Variants in GRID2 observed in about 807,000 individuals in gnomAD.
GRID2 encodes glutamate ionotropic receptor delta type subunit 2, also known as glutamate receptor ionotropic, delta-2.
Under a neutral mutation model 114.8 loss-of-function variants are expected in GRID2, and 33 were observed. That is an observed-to-expected ratio of 0.29 (90% CI 0.22 to 0.38). The LOEUF is 0.38. GRID2 is among the 10% of genes least tolerant of loss of function. The pLI, the probability that GRID2 is intolerant of heterozygous loss-of-function variation, is 1.00. For synonymous variants in GRID2, 505 were observed against 449.9 expected (o/e 1.12, Z -1.55); for missense variants, 1,184 against 1,257.7 (o/e 0.94, Z 0.89).
chr4:92,666,651 T>TTTTTTTTTTTTTTTG (rs1732796663), intron 2 of GRID2, among the ~76,000 whole-genome samples: 1 of 57,000 alleles, frequency 1.8e-5, no homozygotes. Context: ...TTAAGGGTTG[T>TTTTTTTTTTTTTTTG]TTTTTTTTTT....
At chr4:92,460,597 G>A (rs138692678) in intron 1 of GRID2, among the ~76,000 whole-genome samples, 101 of 152,152 alleles carry the variant, frequency 6.6e-4, no homozygotes, top group African/African-American at 2.4e-3. Context: ...TTTCCTTTCT[G>A]TCTTGCTCAC....
chr4:93,617,911 A>G (rs1741844398), intron 13 of GRID2, among the ~76,000 whole-genome samples: 1 of 152,190 alleles, frequency 6.6e-6, no homozygotes, highest in African/African-American at 2.4e-5. Context: ...AATCTATGCC[A>G]TATCCATCTG....
chr4:92,629,086 A>G (rs966646151), intron 2 of GRID2, among the ~76,000 whole-genome samples: 3 of 151,942 alleles, frequency 2.0e-5, no homozygotes, highest in African/African-American at 7.3e-5. Flanking sequence ...TAGTGAAAAA[A>G]CGATACAAAA....
At chr4:92,573,274 A>G (rs1290455633) in intron 1 of GRID2, among the ~76,000 whole-genome samples, 1 of 151,382 alleles carries the variant, frequency 6.6e-6, no homozygotes, top group Admixed American at 6.6e-5. Context: ...CAGCTTCTGG[A>G]TTTCAGTTTT....
chr4:92,485,692 AAAAT>A (rs773984209), intron 1 of GRID2, among the ~76,000 whole-genome samples: 26 of 152,128 alleles, frequency 1.7e-4, no homozygotes, highest in Non-Finnish European at 8.8e-5. Context: ...TCTGCCTCAA[AAAAT>A]AAATAAAGAA....
chr4:92,591,808 A>C (rs1728717597), intron 2 of GRID2, among the ~76,000 whole-genome samples: 1 of 152,082 alleles, frequency 6.6e-6, no homozygotes, highest in Non-Finnish European at 1.5e-5. Context: ...TTTTGAAATG[A>C]ATAGAACTGT....
chr4:93,663,426 T>C (rs1031899839), intron 14 of GRID2, among the ~76,000 whole-genome samples: 25 of 152,156 alleles, frequency 1.6e-4, no homozygotes, highest in African/African-American at 5.5e-4. Flanking sequence ...ACACCAACGG[T>C]GCAAACCTTT....
At chr4:93,734,747 C>G (rs923780489) in intron 14 of GRID2, among the ~76,000 whole-genome samples, 8 of 151,800 alleles carry the variant, frequency 5.3e-5, no homozygotes, top group African/African-American at 1.7e-4. Context: ...CCAGGATGGT[C>G]TACAGAAAAA....
intron 2 of GRID2, among the ~76,000 whole-genome samples, chr4:92,900,936 C>CTGTGTGTGTGTG (rs67753622): frequency 4.2e-4 from 63 of 149,836 alleles, no homozygotes; most frequent in East Asian, 3.7e-3. Flanking sequence ...TAGTATTCGT[C>CTGTGTGTGTGTG]TGTGTGTGTG....
At chr4:92,384,567 TA>T (rs1729812455) in intron 1 of GRID2, among the ~76,000 whole-genome samples, 2 of 72,184 alleles carry the variant, frequency 2.8e-5, no homozygotes, top group African/African-American at 7.2e-5. Flanking sequence ...ATATATAATA[TA>T]ATATATAAAA....
intron 1 of GRID2, among the ~76,000 whole-genome samples, chr4:92,570,233 G>GT (rs1352276053): frequency 2.6e-5 from 4 of 151,856 alleles, no homozygotes; most frequent in Non-Finnish European, 1.5e-5. Flanking sequence ...CTCATTCCTT[G>GT]TTTTTCTCCT....
intron 8 of GRID2, among the ~76,000 whole-genome samples, chr4:93,325,918 T>TGAA (rs1757785372): frequency 6.6e-6 from 1 of 152,252 alleles, no homozygotes; most frequent in Non-Finnish European, 1.5e-5. Flanking sequence ...GGCCTGAAGT[T>TGAA]GAAGTGAGTT....
At chr4:92,995,299 TA>T (rs1205373338) in intron 2 of GRID2, among the ~76,000 whole-genome samples, 19 of 152,294 alleles carry the variant, frequency 1.2e-4, no homozygotes, top group African/African-American at 3.8e-4. Flanking sequence ...TATGTGTCAT[TA>T]AAAATGTGTT....
intron 2 of GRID2, among the ~76,000 whole-genome samples, chr4:92,940,931 G>C (rs1398876958): frequency 6.6e-6 from 1 of 152,156 alleles, no homozygotes; most frequent in Non-Finnish European, 1.5e-5. Context: ...CTTGATCATG[G>C]TGGATAAGAT....
At chr4:92,986,424 T>C (rs1017992162) in intron 2 of GRID2, among the ~76,000 whole-genome samples, 1 of 152,150 alleles carries the variant, frequency 6.6e-6, no homozygotes, top group Non-Finnish European at 1.5e-5. Context: ...CACAATGAGA[T>C]ATAGGGTTTA....
At chr4:92,919,506 T>A (rs1749121041) in intron 2 of GRID2, among the ~76,000 whole-genome samples, 1 of 152,242 alleles carries the variant, frequency 6.6e-6, no homozygotes, top group African/African-American at 2.4e-5. Flanking sequence ...TAAGTTTCCC[T>A]CTACACACTG....
intron 4 of GRID2, among the ~76,000 whole-genome samples, chr4:93,165,656 CCT>C (rs1738179611): frequency 6.6e-6 from 1 of 152,070 alleles, no homozygotes; most frequent in African/African-American, 2.4e-5. Flanking sequence ...TGCGCTAACT[CCT>C]CTTTCTCTCA....
At position 93,415,654 on chromosome 4, in the gene GRID2, T is replaced by C. The variant is rs146481129; in HGVS notation, c.1348-7117T>C. ...CTTATGCTTCTTTCAAATTCTTTTG[T>C]ACAAAAAAAATTGTCTTGTCCACTC... On this transcript the variant is annotated intron_variant, in intron 9 of 15. Transcript: ENST00000282020. 2.0e-5 allele frequency among the ~76,000 whole-genome samples: 3 copies of C among 152,130 alleles called. No homozygotes were observed. The East Asian group carries it at 5.8e-4, about 29-fold the overall frequency.
chr4:92,539,763 AAT>A (rs778479223), intron 1 of GRID2, among the ~76,000 whole-genome samples: 13 of 152,178 alleles, frequency 8.5e-5, no homozygotes, highest in Non-Finnish European at 1.5e-4. Flanking sequence ...CTCATGTTCT[AAT>A]ATGTTTCTTT....
Sources: allele counts gnomAD v4.1 joint callset (sites outside exome capture counted in the v4.1 genomes callset), GRCh38; gene constraint gnomAD v4.1.1; transcripts MANE v1.5; gene names NCBI Gene and HGNC (gene_info 2026-07-23, HGNC 2026-07-21).